Variants in CLMP observed in about 807,000 individuals in gnomAD.
The protein encoded by CLMP is CXADR like cell adhesion molecule, also known as CXADR-like membrane protein.
CLMP carries 27 observed loss-of-function variants against 45.2 expected under a neutral mutation model. The observed-to-expected ratio is 0.60, with a 90% CI of 0.44 to 0.82. The LOEUF (loss-of-function observed/expected upper bound fraction) is 0.82. Ranked by LOEUF, CLMP falls within the 40% of genes least tolerant of loss-of-function variation. CLMP has a pLI of 0.00. For synonymous variants in CLMP, 167 were observed against 171.4 expected, an observed-to-expected ratio of 0.97 and a Z score of 0.20; for missense variants, 403 against 448.4, an observed-to-expected ratio of 0.90 and a Z score of 0.91.
At chr11:123,182,370 T>C (rs7113140) in intron 1 of CLMP, among the ~76,000 whole-genome samples, 98,715 of 152,074 alleles carry the variant, frequency 0.65, 32,855 homozygotes, top group African/African-American at 0.79. Flanking sequence ...TGGGGAACCA[T>C]GAATAACTCA....
chr11:123,101,062 T>C (rs1451098291), intron 1 of CLMP, among the ~76,000 whole-genome samples: 1 of 152,214 alleles, frequency 6.6e-6, no homozygotes, highest in Non-Finnish European at 1.5e-5. Flanking sequence ...AAGTTCTATC[T>C]TCCATTCTCT....
chr11:123,113,289 A>G (rs1368852371), intron 1 of CLMP, among the ~76,000 whole-genome samples: 1 of 152,232 alleles, frequency 6.6e-6, no homozygotes, highest in Non-Finnish European at 1.5e-5. Context: ...TGCCAGGGAT[A>G]CAGAAATGAA....
intron 1 of CLMP, among the ~76,000 whole-genome samples, chr11:123,184,988 CGG>C (rs1012311037): frequency 1.6e-4 from 24 of 152,196 alleles, no homozygotes; most frequent in Admixed American, 1.2e-3. Flanking sequence ...AAGGTGCTCT[CGG>C]GGCTGAGAGG....
chr11:123,104,742 C>T (rs191059797), intron 1 of CLMP, among the ~76,000 whole-genome samples: 2 of 152,258 alleles, frequency 1.3e-5, no homozygotes, highest in East Asian at 1.9e-4. Flanking sequence ...GCTTGTCTGC[C>T]ATCTGATGGG....
chr11:123,151,069 C>T (rs767677156), intron 1 of CLMP, among the ~76,000 whole-genome samples: 3 of 152,156 alleles, frequency 2.0e-5, no homozygotes, highest in African/African-American at 4.8e-5. Flanking sequence ...ACAGGTGTTT[C>T]GGTGGCTCCT....
intron 1 of CLMP, among the ~76,000 whole-genome samples, chr11:123,114,744 A>AATC (rs1399768591): frequency 6.6e-6 from 1 of 152,158 alleles, no homozygotes; most frequent in Non-Finnish European, 1.5e-5. Context: ...TATTATGTGC[A>AATC]AAGCATTGGT....
At chr11:123,109,946 T>C (rs1051083892) in intron 1 of CLMP, among the ~76,000 whole-genome samples, 9 of 151,638 alleles carry the variant, frequency 5.9e-5, no homozygotes, top group Non-Finnish European at 1.5e-5. Context: ...GTGAGAAAAA[T>C]ATATGAGGAA....
At chr11:123,159,115 G>A (rs928997005) in intron 1 of CLMP, among the ~76,000 whole-genome samples, 1 of 152,122 alleles carries the variant, frequency 6.6e-6, no homozygotes, top group African/African-American at 2.4e-5. Context: ...ATCCGTCAAA[G>A]CATTAAAGAA....
At chr11:123,097,746 A>G (rs1326793348) in intron 2 of CLMP, 49 bp downstream of exon 2, 1 of 1,431,196 alleles carries the variant, frequency 7.0e-7, no homozygotes, top group African/African-American at 1.4e-5. Context: ...AGAAAGGCAA[A>G]TGCAGGAGGA....
In CLMP at chr11:123,161,827, C is replaced by A. The variant is rs370963855; in HGVS notation, c.28+33086G>T. On this transcript the variant is annotated intron_variant, in intron 1 of 6. Coordinates refer to ENST00000448775, the MANE Select transcript of CLMP (RefSeq NM_024769.5). ...CGTATTACACATGCAGACTCTTGGA[C>A]CTAAACTCCCTTGGGGTGGATTCCA... Among the ~76,000 whole-genome samples the A allele has an allele frequency of 5.9e-5, 9 of 152,316 alleles. 1 individual carries two copies. Among genetic ancestry groups the A allele is most frequent in the Admixed American group, 2.6e-4 (4 of 15,288 alleles).
chr11:123,168,790 T>C (rs953700893), intron 1 of CLMP, among the ~76,000 whole-genome samples: 3 of 152,204 alleles, frequency 2.0e-5, no homozygotes, highest in Non-Finnish European at 2.9e-5. Flanking sequence ...TCCTTCTCTA[T>C]TTTGCATATT....
At chr11:123,113,940 GC>G (rs900335295) in intron 1 of CLMP, among the ~76,000 whole-genome samples, 1 of 152,036 alleles carries the variant, frequency 6.6e-6, no homozygotes, top group African/African-American at 2.4e-5. Flanking sequence ...GAACACCCTG[GC>G]AAGAATGCCT....
chr11:123,085,765 T>G (rs1865858057), intron 2 of CLMP, among the ~76,000 whole-genome samples: 1 of 143,174 alleles, frequency 7.0e-6, no homozygotes, highest in Non-Finnish European at 1.5e-5. Context: ...AACTAATTTT[T>G]TATGTTTTTT....
intron 1 of CLMP, among the ~76,000 whole-genome samples, chr11:123,162,047 A>T (rs1861494392): frequency 6.6e-6 from 1 of 152,258 alleles, no homozygotes; most frequent in Admixed American, 6.5e-5. Flanking sequence ...GATGCAGAGA[A>T]CATGGCCCCA....
intron 1 of CLMP, among the ~76,000 whole-genome samples, chr11:123,105,812 GTTTGTTT>G (rs1230001971): frequency 4.2e-5 from 6 of 144,574 alleles, no homozygotes; most frequent in African/African-American, 5.2e-5. Flanking sequence ...GTTTTTGTTT[GTTTGTTT>G]TTTGTTTTTT....
Position 123,084,390 on chromosome 11 carries a change from C to T in CLMP, c.388+122G>A, listed in dbSNP as rs185983001. 9.4e-6 allele frequency: 7 copies of T among 744,626 alleles called. No individual in the cohort carries two copies. In the Admixed American group the frequency reaches 1.5e-4, roughly 16 times the overall value. 46.1% of individuals were successfully genotyped at this position (744,626 alleles called of 1,614,324 possible). A position where few individuals can be genotyped will look rare whatever the true frequency, so the allele number is the denominator to read the frequency against. Reference sequence around the variant, plus strand: ...CTTTCCAGGGAACTGGACGAGGTGACCTCTGAATGTGTAATCCAAAGTACT... The same window carrying T: ...CTTTCCAGGGAACTGGACGAGGTGATCTCTGAATGTGTAATCCAAAGTACT... On this transcript the variant is annotated intron_variant, in intron 3 of 6. Coordinates refer to ENST00000448775, the MANE Select transcript of CLMP (RefSeq NM_024769.5).
chr11:123,121,508 G>A (rs1414850966), intron 1 of CLMP, among the ~76,000 whole-genome samples: 1 of 152,110 alleles, frequency 6.6e-6, no homozygotes, highest in Non-Finnish European at 1.5e-5. Context: ...ATGTTGGCCA[G>A]GCTGGTCTGG....
chr11:123,083,868 C>G (rs918421990), intron 3 of CLMP, 21 bp from the exon 4 acceptor site: 12 of 1,611,362 alleles, frequency 7.4e-6, no homozygotes, highest in Non-Finnish European at 9.3e-6. Context: ...CAACAACAAG[C>G]AAAAGTGTAG....
chr11:123,144,933 C>G (rs924250220), intron 1 of CLMP, among the ~76,000 whole-genome samples: 2 of 151,912 alleles, frequency 1.3e-5, no homozygotes, highest in African/African-American at 2.4e-5. Flanking sequence ...CTTACAGGCT[C>G]GAGTGCTGCA....
Sources: allele counts gnomAD v4.1 joint callset (sites outside exome capture counted in the v4.1 genomes callset), GRCh38; gene constraint gnomAD v4.1.1; transcripts MANE v1.5; gene names NCBI Gene and HGNC (gene_info 2026-07-23, HGNC 2026-07-21).